The following TSC22D1 variants were observed in gnomAD, a reference collection of about 807,000 sequenced individuals.
TSC22D1 encodes TSC22 domain family member 1, also known as TSC22 domain family protein 1.
A neutral mutation model predicts 74.2 loss-of-function variants in TSC22D1; 9 were observed. The ratio of observed to expected loss-of-function variants is 0.12; its 90% CI spans 0.07 to 0.21. TSC22D1 has a LOEUF of 0.21. Among genes scored for constraint, TSC22D1 ranks in the 10% least tolerant of loss-of-function variants. The probability of loss-of-function intolerance (pLI) is 1.00; values close to 1 mark genes in which losing one functional copy is unlikely to be tolerated. For synonymous variants in TSC22D1, 586 were observed against 492.5 expected, an observed-to-expected ratio of 1.19 and a Z score of -2.51; for missense variants, 1,427 against 1,304.7, an observed-to-expected ratio of 1.09 and a Z score of -1.44.
Position 44,434,465 on chromosome 13 carries a change from G to A in TSC22D1, c.*161C>T, listed in dbSNP as rs1448332615. 4 of 1,382,228 alleles carry A rather than the reference G, an allele frequency of 2.9e-6. No individual in the cohort carries two copies. Among genetic ancestry groups the A allele is most frequent in the South Asian group, 3.8e-5 (2 of 53,272 alleles). The allele number at this position is 1,382,228 out of a possible 1,614,324, so 85.6% of individuals were successfully genotyped here. A position where few individuals can be genotyped will look rare whatever the true frequency, so the allele number is the denominator to read the frequency against. On this transcript the variant is annotated 3_prime_UTR_variant, in exon 3 of 3. Coordinates refer to ENST00000458659, the MANE Select transcript of TSC22D1 (RefSeq NM_183422.4). ...AAATTTCTCCAAGCCATAAGCATAT[G>A]AGTGTTTAATACTGGAAAAGAGATA...
At chr13:44,503,309 C>T (rs575118467) in intron 1 of TSC22D1, among the ~76,000 whole-genome samples, 1 of 151,746 alleles carries the variant, frequency 6.6e-6, no homozygotes, top group Non-Finnish European at 1.5e-5. Context: ...GGTTCCCACA[C>T]AGATATCCTA....
At chr13:44,517,825 GTGTGTA>G (rs1245128990) in intron 1 of TSC22D1, among the ~76,000 whole-genome samples, 1 of 19,256 alleles carries the variant, frequency 5.2e-5, no homozygotes, top group African/African-American at 1.6e-4. Context: ...GTGTGTGTGT[GTGTGTA>G]TATATATATA....
intron 1 of TSC22D1, among the ~76,000 whole-genome samples, chr13:44,444,152 G>A (rs770772658): frequency 2.0e-5 from 3 of 151,348 alleles, no homozygotes; most frequent in Non-Finnish European, 3.0e-5. Flanking sequence ...AGTGGCATAC[G>A]CCTGTAATCC....
intron 1 of TSC22D1, among the ~76,000 whole-genome samples, chr13:44,492,653 C>T (rs955532053): frequency 6.6e-6 from 1 of 150,604 alleles, no homozygotes; most frequent in Non-Finnish European, 1.5e-5. Flanking sequence ...CCCCTCCAAA[C>T]AAAAAAAAAT....
intron 1 of TSC22D1, among the ~76,000 whole-genome samples, chr13:44,487,371 C>T (rs1476978114): frequency 6.6e-6 from 1 of 151,424 alleles, no homozygotes; most frequent in East Asian, 1.9e-4. Context: ...TGGTGATGCA[C>T]ACCTGTAACC....
At chr13:44,511,238 C>T (rs1879700119) in intron 1 of TSC22D1, among the ~76,000 whole-genome samples, 1 of 152,058 alleles carries the variant, frequency 6.6e-6, no homozygotes, top group Non-Finnish European at 1.5e-5. Flanking sequence ...TGACCATGAT[C>T]ACACCACTAC....
intron 1 of TSC22D1, among the ~76,000 whole-genome samples, chr13:44,559,520 A>T (rs1882896465): frequency 6.6e-6 from 1 of 152,074 alleles, no homozygotes; most frequent in Admixed American, 6.6e-5. Context: ...CAACCAAGAA[A>T]AAAAATTAAC....
At chr13:44,532,631 G>C (rs1202104350) in intron 1 of TSC22D1, among the ~76,000 whole-genome samples, 2 of 151,848 alleles carry the variant, frequency 1.3e-5, no homozygotes, top group African/African-American at 4.8e-5. Flanking sequence ...ACGCCACCAT[G>C]CCCGGCTATT....
chr13:44,472,860 C>A (rs1250599647), intron 1 of TSC22D1, among the ~76,000 whole-genome samples: 3 of 152,186 alleles, frequency 2.0e-5, no homozygotes, highest in Non-Finnish European at 4.4e-5. Flanking sequence ...AGCTCCACAT[C>A]TAATTGTACA....
At chr13:44,522,127 G>C (rs775742454) in intron 1 of TSC22D1, among the ~76,000 whole-genome samples, 2 of 152,154 alleles carry the variant, frequency 1.3e-5, no homozygotes. Context: ...GACTAGAAAA[G>C]GCATCCCTGA....
chr13:44,498,358 A>G (rs1353275697), intron 1 of TSC22D1, among the ~76,000 whole-genome samples: 1 of 152,130 alleles, frequency 6.6e-6, no homozygotes, highest in Non-Finnish European at 1.5e-5. Flanking sequence ...ATGCTGTTTA[A>G]TTAAGTTCTC....
chr13:44,516,346 GC>G lies in TSC22D1; in HGVS notation c.2912+56816del, dbSNP rs746020291. On this transcript the variant is annotated intron_variant, in intron 1 of 2. Transcript: ENST00000458659. Reference sequence around the variant, plus strand: ...ACCTCCCTCTAATTCTGAAGAACCTGCTTTTTAAAAACAAATTCTCTTAATA... The same window carrying G: ...ACCTCCCTCTAATTCTGAAGAACCTGTTTTTAAAAACAAATTCTCTTAATA... 6.4e-6 allele frequency: 3 copies of G among 466,278 alleles called. No homozygotes were observed. In the East Asian group the frequency reaches 1.9e-4, roughly 30 times the overall value. The allele number at this position is 466,278 out of a possible 1,614,324, so 28.9% of individuals were successfully genotyped here. A position where few individuals can be genotyped will look rare whatever the true frequency, so the allele number is the denominator to read the frequency against.
intron 1 of TSC22D1, among the ~76,000 whole-genome samples, chr13:44,442,981 G>A (rs1191273069): frequency 1.3e-5 from 2 of 149,180 alleles, no homozygotes; most frequent in Non-Finnish European, 3.0e-5. Flanking sequence ...ATAAGCTATG[G>A]GACAGTTTCA....
intron 1 of TSC22D1, chr13:44,538,612 T>C: frequency 1.0e-6 from 1 of 985,430 alleles, no homozygotes; most frequent in Non-Finnish European, 1.2e-6. Flanking sequence ...AATATTTTCA[T>C]GGCCATGTAA....
chr13:44,464,730 T>C (rs1036519606), intron 1 of TSC22D1, among the ~76,000 whole-genome samples: 2 of 152,214 alleles, frequency 1.3e-5, no homozygotes, highest in Admixed American at 6.5e-5. Flanking sequence ...ATCTTTTCAT[T>C]TGTATTTAAC....
At chr13:44,533,167 G>A (rs1880949649) in intron 1 of TSC22D1, among the ~76,000 whole-genome samples, 1 of 152,098 alleles carries the variant, frequency 6.6e-6, no homozygotes, top group South Asian at 2.1e-4. Flanking sequence ...TGGTTCACTT[G>A]AGGGCATGAT....
At chr13:44,568,740 T>C (rs953600918) in intron 1 of TSC22D1, among the ~76,000 whole-genome samples, 1 of 151,926 alleles carries the variant, frequency 6.6e-6, no homozygotes, top group African/African-American at 2.4e-5. Flanking sequence ...ACAGGAAAGG[T>C]AGAGCCCAAA....
At chr13:44,540,504 C>T (rs1426002925) in intron 1 of TSC22D1, among the ~76,000 whole-genome samples, 1 of 152,066 alleles carries the variant, frequency 6.6e-6, no homozygotes, top group Non-Finnish European at 1.5e-5. Context: ...AAGCTTATGA[C>T]TACTGTCACT....
At position 44,538,968 on chromosome 13, in the gene TSC22D1, A is replaced by G. The variant is rs117675647; in HGVS notation, c.2912+34195T>C. On this transcript the variant is annotated intron_variant, in intron 1 of 2. Coordinates refer to ENST00000458659, the MANE Select transcript of TSC22D1 (RefSeq NM_183422.4). ...CACAGAAGGAATCCACCAAGGAAAA[A>G]TGAAAACTTGCCAAAGGTAACAAGT... The G allele has an allele frequency of 7.5e-5, 74 of 985,424 alleles. 1 individual carries two copies. The East Asian group carries it at 7.0e-3, about 94-fold the overall frequency. The allele number at this position is 985,424 out of a possible 1,614,324, so 61.0% of individuals were successfully genotyped here.
Sources: allele counts gnomAD v4.1 joint callset (sites outside exome capture counted in the v4.1 genomes callset), GRCh38; gene constraint gnomAD v4.1.1; transcripts MANE v1.5; gene names NCBI Gene and HGNC (gene_info 2026-07-23, HGNC 2026-07-21).